Variants in PPARA observed in about 807,000 individuals in gnomAD.
The protein encoded by PPARA is peroxisome proliferator activated receptor alpha, also known as peroxisome proliferator-activated receptor alpha.
In PPARA, 22 loss-of-function variants were observed where a neutral mutation model predicts 42.2. The ratio of observed to expected loss-of-function variants is 0.52; its 90% CI spans 0.37 to 0.74. The LOEUF (loss-of-function observed/expected upper bound fraction) is 0.74, where lower values mean the gene tolerates loss of function less well. PPARA is among the 30% of genes least tolerant of loss of function. The pLI, the probability that PPARA is intolerant of heterozygous loss-of-function variation, is 0.00. For synonymous variants in PPARA, 242 were observed against 239.3 expected, an observed-to-expected ratio of 1.01 and a Z score of -0.10; for missense variants, 465 against 608.2, an observed-to-expected ratio of 0.76 and a Z score of 2.48.
intron 4 of PPARA, 67 bp downstream of exon 4, chr22:46,198,658 C>CA: frequency 4.7e-6 from 4 of 843,226 alleles, no homozygotes; most frequent in Non-Finnish European, 5.1e-6. Context: ...ACTGTTCTCT[C>CA]TTTTTTTTTT....
rs760652059 is a variant in PPARA, at chr22:46,187,686, T to C, written c.-42-10656T>C. Among the ~76,000 whole-genome samples the C allele has an allele frequency of 2.0e-5, 3 of 152,342 alleles. No homozygotes were observed. The South Asian group carries it at 6.2e-4, about 32-fold the overall frequency. On this transcript the variant is annotated intron_variant, in intron 3 of 8. Coordinates refer to ENST00000407236, the MANE Select transcript of PPARA (RefSeq NM_005036.6). The surrounding 1 kb of genome is among the most constrained non-coding windows in gnomAD (Gnocchi z 4.9). ...TGTTTTAGGATGAAATCCAAACTCC[T>C]AAACATGGGGATTAACAATGTGCCA... is the stretch of plus-strand genomic sequence containing the variant.
intron 3 of PPARA, among the ~76,000 whole-genome samples, chr22:46,177,062 T>A (rs1216923955): frequency 1.3e-5 from 2 of 151,940 alleles, no homozygotes; most frequent in African/African-American, 4.8e-5. Flanking sequence ...TACAAAAAAA[T>A]TAGCCGGGCA....
At position 46,173,524 on chromosome 22, in the gene PPARA, G is replaced by T. The variant is rs752097837; in HGVS notation, c.-126-3229G>T. Among the ~76,000 whole-genome samples, 1 of 152,162 alleles carries T rather than the reference G, an allele frequency of 6.6e-6. No homozygotes were observed. The highest frequency in any genetic ancestry group is 1.5e-5 in the Non-Finnish European group (1 of 68,030). ...AGTACTAAGGCAGCTGCTACATTCTGTTTGCCAAGGGGAAGAAGAAAGCTT... is the reference window on the plus strand; with the variant it reads ...AGTACTAAGGCAGCTGCTACATTCTTTTTGCCAAGGGGAAGAAGAAAGCTT... On this transcript the variant is annotated intron_variant, in intron 2 of 8. Coordinates refer to ENST00000407236, the MANE Select transcript of PPARA (RefSeq NM_005036.6). This position sits in a 1 kb window ranked among gnomAD's most constrained non-coding sequence, Gnocchi z 4.3.
intron 4 of PPARA, among the ~76,000 whole-genome samples, chr22:46,205,519 C>CAT (rs552533545): frequency 0.023 from 776 of 34,420 alleles, 23 homozygotes; most frequent in Middle Eastern, 0.026. Flanking sequence ...CATGCCCAGC[C>CAT]ATATATATAT....
intron 2 of PPARA, among the ~76,000 whole-genome samples, chr22:46,168,510 C>T (rs995091070): frequency 6.6e-6 from 1 of 151,366 alleles, no homozygotes; most frequent in Non-Finnish European, 1.5e-5. Context: ...ATTTACAAAA[C>T]ATATATCTGA....
chr22:46,202,801 T>C (rs1005740668), intron 4 of PPARA, among the ~76,000 whole-genome samples: 1 of 150,016 alleles, frequency 6.7e-6, no homozygotes, highest in Non-Finnish European at 1.5e-5. Context: ...AGGCGGAGGT[T>C]GCAGTGAGCC....
intron 7 of PPARA, among the ~76,000 whole-genome samples, chr22:46,226,716 A>G (rs1935488717): frequency 1.3e-5 from 2 of 152,116 alleles, no homozygotes; most frequent in African/African-American, 2.4e-5. Flanking sequence ...GACCTCCTCT[A>G]TGAAAAGTTA....
At chr22:46,185,964 T>TATATAC (rs1207976543) in intron 3 of PPARA, among the ~76,000 whole-genome samples, 4 of 25,922 alleles carry the variant, frequency 1.5e-4, no homozygotes, top group African/African-American at 4.4e-4. Flanking sequence ...TATATATATA[T>TATATAC]ACACACACAC....
chr22:46,169,515 T>A (rs1927655820), intron 2 of PPARA, among the ~76,000 whole-genome samples: 1 of 151,836 alleles, frequency 6.6e-6, no homozygotes, highest in Admixed American at 6.6e-5. Context: ...ATTACAGGCA[T>A]GAGCCATCAC....
rs150311258 is a variant in PPARA, at chr22:46,224,209, C to T, written c.711+4195C>T. ...CCCATGTCCTTGTCTGCGCACGGGA[C>T]GCTGGAGGCACGGCCCCCTCCTCCC... is the stretch of plus-strand genomic sequence containing the variant. On this transcript the variant is annotated intron_variant, in intron 7 of 8. Coordinates refer to ENST00000407236, the MANE Select transcript of PPARA (RefSeq NM_005036.6). The surrounding 1 kb of genome is among the most constrained non-coding windows in gnomAD (Gnocchi z 5.7). Among the ~76,000 whole-genome samples the T allele has an allele frequency of 2.6e-5, 4 of 152,202 alleles. No homozygotes were observed. The highest frequency in any genetic ancestry group is 4.4e-5 in the Non-Finnish European group (3 of 68,038).
At position 46,219,611 on chromosome 22, in the gene PPARA, C is replaced by A. The variant is rs1023161293; in HGVS notation, c.509-201C>A. Among the ~76,000 whole-genome samples, 3 of 152,192 alleles carry A rather than the reference C, an allele frequency of 2.0e-5. No homozygotes were observed. Among genetic ancestry groups the A allele is most frequent in the African/African-American group, 7.2e-5 (3 of 41,452 alleles). ...ACGATGGTGTCACCTTCAGCCTGCA[C>A]CTGTTTAAACATCTACAGTGTATGG... On this transcript the variant is annotated intron_variant, in intron 6 of 8. Coordinates refer to ENST00000407236, the MANE Select transcript of PPARA (RefSeq NM_005036.6). This position sits in a 1 kb window ranked among gnomAD's most constrained non-coding sequence, Gnocchi z 4.8.
At position 46,212,087 on chromosome 22, in the gene PPARA, G is replaced by A. The variant is rs1741878413; in HGVS notation, c.209-3086G>A. On this transcript the variant is annotated intron_variant, in intron 4 of 8. Transcript: ENST00000407236. This position sits in a 1 kb window ranked among gnomAD's most constrained non-coding sequence, Gnocchi z 4.2. ...CCTCTCCTTTGATGGAGGTCTCACT[G>A]TGACACCCAGGCTGGAGTACAGTGG... 6.9e-6 allele frequency among the ~76,000 whole-genome samples: 1 copy of A among 145,794 alleles called. No homozygotes were observed. Among genetic ancestry groups the A allele is most frequent in the Admixed American group, 6.8e-5 (1 of 14,740 alleles).
At chr22:46,176,226 C>T (rs975618769) in intron 2 of PPARA, 3 of 152,200 alleles carry the variant, frequency 2.0e-5, no homozygotes, top group Admixed American at 6.5e-5. Flanking sequence ...TGGCTCATGC[C>T]TGTAATCTCA....
In PPARA at chr22:46,214,838, G is replaced by C. The variant is rs1051843295; in HGVS notation, c.209-335G>C. ...TGGGAATGAGGAGATGTGCGGGGCG[G>C]GATGTGTGGATGGGAGACGCGCGGG... On this transcript the variant is annotated intron_variant, in intron 4 of 8. Transcript: ENST00000407236. Among the ~76,000 whole-genome samples, 13 of 150,000 alleles carry C rather than the reference G, an allele frequency of 8.7e-5. No individual in the cohort carries two copies. The East Asian group carries it at 2.4e-3, about 27-fold the overall frequency.
intron 3 of PPARA, 121 bp downstream of exon 3, chr22:46,176,957 T>A (rs1422272328): frequency 6.6e-6 from 1 of 152,314 alleles, no homozygotes; most frequent in Non-Finnish European, 1.5e-5. Context: ...ACGCCTGTAA[T>A]CCCAGGACTT....
rs191093344 is a variant in PPARA at position 46,238,919 on chromosome 22, G to T, written c.*3539G>T. On this transcript the variant is annotated 3_prime_UTR_variant, in exon 9 of 9. Coordinates refer to ENST00000407236, the MANE Select transcript of PPARA (RefSeq NM_005036.6). This position sits in a 1 kb window ranked among gnomAD's most constrained non-coding sequence, Gnocchi z 8.3. ...AGCGGGACTGGGAGCACGGGCTGACGGCTGCTGGTGCCTTTCTTCCCACCT... is the reference window on the plus strand; with the variant it reads ...AGCGGGACTGGGAGCACGGGCTGACTGCTGCTGGTGCCTTTCTTCCCACCT... 3.4e-3 allele frequency: 519 copies of T among 152,594 alleles called. 2 individuals carry two copies. Among genetic ancestry groups the T allele is most frequent in the Non-Finnish European group, 6.1e-3 (416 of 68,254 alleles). The allele number at this position is 152,594 out of a possible 1,614,324, so 9.5% of individuals were successfully genotyped here. A position where few individuals can be genotyped will look rare whatever the true frequency, so the allele number is the denominator to read the frequency against.
At position 46,241,403 on chromosome 22, in the gene PPARA, A is replaced by AATG. The variant is rs1225843310; in HGVS notation, c.*6025_*6027dup. On this transcript the variant is annotated 3_prime_UTR_variant, in exon 9 of 9. Transcript: ENST00000407236. The surrounding 1 kb of genome is among the most constrained non-coding windows in gnomAD (Gnocchi z 5.7). ...AAGGTTTTGTTAAAAAGAAAAAGATAATGAGCTTCATGCTTTGTTTAATTA... is the reference window on the plus strand; with the variant it reads ...AAGGTTTTGTTAAAAAGAAAAAGATAATGATGAGCTTCATGCTTTGTTTAATTA... The AATG allele has an allele frequency of 6.6e-6, 1 of 152,202 alleles. No individual in the cohort carries two copies. Among genetic ancestry groups the AATG allele is most frequent in the Non-Finnish European group, 1.5e-5 (1 of 68,038 alleles). 9.4% of individuals were successfully genotyped at this position (152,202 alleles called of 1,614,324 possible). A position where few individuals can be genotyped will look rare whatever the true frequency, so the allele number is the denominator to read the frequency against.
chr22:46,205,832 T>C (rs1336839814), intron 4 of PPARA, among the ~76,000 whole-genome samples: 1 of 151,974 alleles, frequency 6.6e-6, no homozygotes. Flanking sequence ...TTTATTATTA[T>C]GAAATTGCTG....
At chr22:46,198,817 CG>C (rs1932668407) in intron 4 of PPARA, among the ~76,000 whole-genome samples, 1 of 151,928 alleles carries the variant, frequency 6.6e-6, no homozygotes, top group Non-Finnish European at 1.5e-5. Context: ...CCCGCCACCA[CG>C]CCCAGCTAAT....
Sources: gnomAD v4.1 joint callset for allele counts (sites outside exome capture counted in the v4.1 genomes callset) on GRCh38, gnomAD v4.1.1 for gene constraint, Gnocchi (gnomAD v3.1) non-coding constraint, MANE v1.5 for transcripts, NCBI Gene and HGNC (gene_info 2026-07-23, HGNC 2026-07-21) for gene names.